The following ATP10A variants were observed in gnomAD, a reference collection of about 807,000 sequenced individuals.
The protein encoded by ATP10A is phospholipid-transporting ATPase VA.
In ATP10A, 111 loss-of-function variants were observed where a neutral mutation model predicts 147.8. That is an observed-to-expected ratio of 0.75 (90% confidence interval 0.64 to 0.88). The LOEUF is 0.88. Ranked by LOEUF, ATP10A falls within the 40% of genes least tolerant of loss-of-function variation. The pLI, the probability that ATP10A is intolerant of heterozygous loss-of-function variation, is 0.00. For synonymous variants in ATP10A, 875 were observed against 841.6 expected (o/e 1.04, Z -0.69); for missense variants, 1,927 against 1,959.0 (o/e 0.98, Z 0.31).
chr15:25,839,954 G>C (rs1237399682), intron 1 of ATP10A, among the ~76,000 whole-genome samples: 1 of 152,108 alleles, frequency 6.6e-6, no homozygotes, highest in African/African-American at 2.4e-5. Context: ...CATCTGTGCA[G>C]TTTCTCAACC....
intron 1 of ATP10A, among the ~76,000 whole-genome samples, chr15:25,824,555 GT>G (rs1892029705): frequency 9.4e-5 from 1 of 10,654 alleles, no homozygotes; most frequent in Non-Finnish European, 1.9e-3. Context: ...CACTTTTTGT[GT>G]GTGTTTTTTT....
chr15:25,856,345 G>C (rs1893518387), intron 1 of ATP10A, among the ~76,000 whole-genome samples: 1 of 152,128 alleles, frequency 6.6e-6, no homozygotes, highest in Admixed American at 6.5e-5. Context: ...CTTGTAAAGA[G>C]GTGCCTTCTG....
intron 4 of ATP10A, among the ~76,000 whole-genome samples, chr15:25,726,447 CTTTTTTTT>C (rs111819076): frequency 1.4e-5 from 2 of 142,074 alleles, no homozygotes; most frequent in Non-Finnish European, 3.1e-5. Context: ...TGCTTTTTTT[CTTTTTTTT>C]TTTTGAGATG....
upstream of ATP10A, among the ~76,000 whole-genome samples, chr15:25,864,396 C>A (rs1214767389): frequency 6.6e-6 from 1 of 152,142 alleles, no homozygotes; most frequent in Non-Finnish European, 1.5e-5. Flanking sequence ...GGCGGTTGGC[C>A]GTGGCCCCAG....
At chr15:25,805,137 T>G (rs1312724786) in intron 1 of ATP10A, among the ~76,000 whole-genome samples, 1 of 152,210 alleles carries the variant, frequency 6.6e-6, no homozygotes, top group Non-Finnish European at 1.5e-5. Context: ...CGGCAGCCTA[T>G]GGGACCCCTG....
intron 1 of ATP10A, among the ~76,000 whole-genome samples, chr15:25,849,750 T>C (rs1427512335): frequency 3.3e-5 from 5 of 152,076 alleles, no homozygotes; most frequent in Admixed American, 1.3e-4. Flanking sequence ...CCCCCAGACA[T>C]GCTCCCCATG....
chr15:25,718,942 G>A (rs1032461583), intron 7 of ATP10A, among the ~76,000 whole-genome samples: 4 of 152,172 alleles, frequency 2.6e-5, no homozygotes, highest in African/African-American at 9.7e-5. Context: ...ACTCAGCTTT[G>A]AAACTCCATC....
rs375581152 is a variant in ATP10A, at chr15:25,784,464, A to C, written c.450-3241T>G. ...CTGCCCCATCCAGGAGGCTTTTAAA[A>C]TAGAAACTTCAGGGGAGGCATCTGG... On this transcript the variant is annotated intron_variant, in intron 1 of 20. Coordinates refer to ENST00000555815, the MANE Select transcript of ATP10A (RefSeq NM_024490.4). Among the ~76,000 whole-genome samples the C allele has an allele frequency of 3.9e-5, 6 of 152,346 alleles. No homozygotes were observed. In the East Asian group the frequency reaches 9.7e-4, roughly 25 times the overall value.
chr15:25,717,055 T>C (rs1901865434), intron 8 of ATP10A, 131 bp from the exon 9 acceptor site: 1 of 553,758 alleles, frequency 1.8e-6, no homozygotes, highest in Non-Finnish European at 2.8e-6. Flanking sequence ...TACATATATG[T>C]CATTTTATAA....
chr15:25,820,367 A>G (rs8036268), intron 1 of ATP10A, among the ~76,000 whole-genome samples: 10 of 152,154 alleles, frequency 6.6e-5, no homozygotes, highest in Non-Finnish European at 1.3e-4. Context: ...ACTTTCTGAA[A>G]GACTTAAAAA....
chr15:25,769,202 A>G (rs894825767), intron 2 of ATP10A, among the ~76,000 whole-genome samples: 1 of 152,064 alleles, frequency 6.6e-6, no homozygotes, highest in Non-Finnish European at 1.5e-5. Flanking sequence ...TTACATGCAT[A>G]TAGGCTGGGC....
chr15:25,755,993 C>T (rs2140603466), intron 2 of ATP10A, among the ~76,000 whole-genome samples: 1 of 152,270 alleles, frequency 6.6e-6, no homozygotes, highest in East Asian at 1.9e-4. Flanking sequence ...CATAACAAAC[C>T]TTACCTTTCT....
intron 5 of ATP10A, among the ~76,000 whole-genome samples, chr15:25,725,399 G>C (rs964996028): frequency 6.6e-6 from 1 of 152,126 alleles, no homozygotes; most frequent in African/African-American, 2.4e-5. Flanking sequence ...TCAGGGACTT[G>C]AGCATCTGAA....
In ATP10A at chr15:25,718,494, C is replaced by T. The variant is rs1201223560; in HGVS notation, c.1364-95G>A. 1.0e-5 allele frequency: 13 copies of T among 1,294,402 alleles called. 1 individual carries two copies. Among genetic ancestry groups the T allele is most frequent in the East Asian group, 5.1e-5 (2 of 39,398 alleles). 80.2% of individuals were successfully genotyped at this position (1,294,402 alleles called of 1,614,324 possible). A position where few individuals can be genotyped will look rare whatever the true frequency, so the allele number is the denominator to read the frequency against. On this transcript the variant is annotated intron_variant, in intron 7 of 20. Coordinates refer to ENST00000555815, the MANE Select transcript of ATP10A (RefSeq NM_024490.4). ...TGTGTTTTAGGTTCCGCGAGGCTTC[C>T]GGCAGGGCAGCCCCACAGGATTCAC...
chr15:25,824,192 C>T (rs1376475755), intron 1 of ATP10A, among the ~76,000 whole-genome samples: 4 of 152,098 alleles, frequency 2.6e-5, no homozygotes, highest in Non-Finnish European at 2.9e-5. Flanking sequence ...AAAAACATTT[C>T]TCAGCCTGGC....
At chr15:25,786,160 CAG>C (rs752848824) in intron 1 of ATP10A, among the ~76,000 whole-genome samples, 53 of 152,172 alleles carry the variant, frequency 3.5e-4, no homozygotes, top group Non-Finnish European at 6.9e-4. Flanking sequence ...TGGCTGGGGG[CAG>C]AGAGGTGCCA....
chr15:25,774,404 G>A (rs776844494), intron 2 of ATP10A, among the ~76,000 whole-genome samples: 10 of 152,078 alleles, frequency 6.6e-5, no homozygotes, highest in South Asian at 2.1e-4. Context: ...GAGAAACCCC[G>A]TCTCTACTAA....
At chr15:25,799,990 T>G (rs1023023354) in intron 1 of ATP10A, among the ~76,000 whole-genome samples, 1 of 152,064 alleles carries the variant, frequency 6.6e-6, no homozygotes, top group African/African-American at 2.4e-5. Flanking sequence ...CAACTCCTTC[T>G]CAGTCTCAGG....
intron 16 of ATP10A, 107 bp from the exon 17 acceptor site, chr15:25,683,593 A>G: frequency 1.8e-6 from 2 of 1,108,344 alleles, no homozygotes; most frequent in Non-Finnish European, 2.6e-6. Flanking sequence ...TCAAGATTAA[A>G]TGTATTGGCA....
Sources: gnomAD v4.1 joint callset for allele counts (sites outside exome capture counted in the v4.1 genomes callset) on GRCh38, gnomAD v4.1.1 for gene constraint, MANE v1.5 for transcripts, NCBI Gene and HGNC (gene_info 2026-07-23, HGNC 2026-07-21) for gene names.